The following LIG1 variants were observed in gnomAD, a reference collection of about 807,000 sequenced individuals.
LIG1 encodes the protein ligase I, DNA, ATP-dependent.
LIG1 carries 70 observed loss-of-function variants against 115.7 expected under a neutral mutation model. The observed-to-expected ratio is 0.60, with a 90% CI of 0.50 to 0.74. The LOEUF is 0.74. Among genes scored for constraint, LIG1 ranks in the 30% least tolerant of loss-of-function variants. LIG1 has a pLI of 0.00. For synonymous variants in LIG1, 487 were observed against 495.3 expected (o/e 0.98, Z 0.22); for missense variants, 1,115 against 1,225.6 (o/e 0.91, Z 1.35).
At chr19:48,119,319 A>C in intron 24 of LIG1, 129 bp from the exon 25 acceptor site, 1 of 760,800 alleles carries the variant, frequency 1.3e-6, no homozygotes, top group Admixed American at 2.0e-5. Flanking sequence ...ACAGAAAACC[A>C]GGGAAGTAGG....
chr19:48,151,451 C>A (rs2035469822), intron 6 of LIG1, 112 bp from the exon 7 acceptor site: 3 of 751,396 alleles, frequency 4.0e-6, no homozygotes, highest in Admixed American at 3.9e-5. Context: ...TTTTTTGAGA[C>A]AGAGTTTCGT....
chr19:48,161,643 T>A (rs1256643080), intron 3 of LIG1, 136 bp from the exon 4 acceptor site: 1 of 1,049,244 alleles, frequency 9.5e-7, no homozygotes, highest in Non-Finnish European at 1.4e-6. Context: ...TCTGGTTGTC[T>A]CCTCAGCAAA....
intron 1 of LIG1, 36 bp downstream of exon 1, chr19:48,170,205 T>C: frequency 2.2e-6 from 1 of 454,968 alleles, no homozygotes; most frequent in Non-Finnish European, 4.4e-6. Flanking sequence ...CCCGCCGCCC[T>C]CCGCCTCCCA....
chr19:48,139,239 G>C (rs2034582941), intron 12 of LIG1, among the ~76,000 whole-genome samples: 1 of 152,204 alleles, frequency 6.6e-6, no homozygotes, highest in Non-Finnish European at 1.5e-5. Flanking sequence ...CCCACGCTGG[G>C]GTGATTAATG....
chr19:48,130,395 G>A (rs1308726034), intron 19 of LIG1, among the ~76,000 whole-genome samples: 2 of 152,192 alleles, frequency 1.3e-5, no homozygotes, highest in South Asian at 2.1e-4. Context: ...GGGACTCCTC[G>A]AACAGGCACG....
intron 21 of LIG1, chr19:48,126,987 T>C (rs35408335): frequency 0.091 from 40,274 of 444,522 alleles, 3,202 homozygotes; most frequent in African/African-American, 0.27. Flanking sequence ...TAACAGAGGC[T>C]GGATTCTCCT....
At chr19:48,142,444 A>AAAAAAAAAAAAACAAAAC (rs2034829171) in intron 11 of LIG1, among the ~76,000 whole-genome samples, 1 of 104,782 alleles carries the variant, frequency 9.5e-6, no homozygotes, top group African/African-American at 4.9e-5. Flanking sequence ...CTCCATCTCA[A>AAAAAAAAAAAAACAAAAC]AAAAAAAAAA....
chr19:48,116,466 A>AT (rs397782918), intron 26 of LIG1, among the ~76,000 whole-genome samples: 5 of 150,330 alleles, frequency 3.3e-5, no homozygotes, highest in African/African-American at 7.4e-5. Context: ...AAAAAAAAAA[A>AT]TGCCACCTGC....
chr19:48,133,038 G>A lies in LIG1; in HGVS notation c.1669C>T (p.Arg557Cys), dbSNP rs372831646. The change falls in exon 18 of 28, where the codon CGC (arginine) becomes TGC (cysteine). Residue 557 changes from arginine (R) to cysteine (C), a missense_variant. Arg to Cys is a radical substitution (Grantham distance 180). Transcript: ENST00000263274. Reference protein sequence around the residue: ...PTRGISEVLKRFEEAAFTCEY... With the variant: ...PTRGISEVLKCFEEAAFTCEY... ...CAGGTGAAAGCTGCCTCCTCAAAGC[G>A]TTTCAGGACCTCGCTGATGCCCCGG... 1.9e-5 allele frequency: 30 copies of A among 1,614,016 alleles called. 1 individual carries two copies. Among genetic ancestry groups the A allele is most frequent in the Middle Eastern group, 1.6e-4 (1 of 6,084 alleles).
At chr19:48,120,737 C>T in intron 24 of LIG1, 1 of 340,110 alleles carries the variant, frequency 2.9e-6, no homozygotes, top group Non-Finnish European at 4.3e-6. Context: ...GCAGGCATGG[C>T]CATGAGGGCT....
At chr19:48,164,090 T>C (rs1009551480) in intron 2 of LIG1, among the ~76,000 whole-genome samples, 1 of 151,940 alleles carries the variant, frequency 6.6e-6, no homozygotes, top group Admixed American at 6.6e-5. Context: ...TAGTAATGTA[T>C]GATATTGACA....
intron 15 of LIG1, 127 bp downstream of exon 15, chr19:48,135,907 C>A: frequency 1.0e-6 from 1 of 952,746 alleles, no homozygotes; most frequent in Non-Finnish European, 1.6e-6. Flanking sequence ...TCCCCCCCAC[C>A]CAGGAGAGAG....
In LIG1 at chr19:48,134,006, G is replaced by GAGACGTTCCAGGCCGTGCTCCAGC; in HGVS notation, c.1560_1583dup (p.Leu521_Leu528dup). ...CTGGGCTCAGCTTGCAGTGCTCCGG[G>GAGACGTTCCAGGCCGTGCTCCAGC]AGACGTTCCAGGCCGTGCTCCAGCA... On this transcript the variant is annotated inframe_insertion, in exon 17 of 28. Coordinates refer to ENST00000263274, the MANE Select transcript of LIG1 (RefSeq NM_000234.3). 6.4e-7 allele frequency: 1 copy of GAGACGTTCCAGGCCGTGCTCCAGC among 1,555,874 alleles called. No individual in the cohort carries two copies. Among genetic ancestry groups the GAGACGTTCCAGGCCGTGCTCCAGC allele is most frequent in the Non-Finnish European group, 8.7e-7 (1 of 1,149,268 alleles).
chr19:48,166,183 G>A (rs2036472244), intron 1 of LIG1, among the ~76,000 whole-genome samples: 1 of 152,188 alleles, frequency 6.6e-6, no homozygotes, highest in African/African-American at 2.4e-5. Flanking sequence ...GATCACTTGA[G>A]GTCAGGAGTT....
At position 48,150,316 on chromosome 19, in the gene LIG1, T is replaced by C. The variant is rs2035390917; in HGVS notation, c.575-106A>G. On this transcript the variant is annotated intron_variant, in intron 7 of 27. Transcript: ENST00000263274. ...ATTCTGACCCTGCAGATGGAAGATATAACTACACCTACCCTTTTCCTTTCT... is the reference window on the plus strand; with the variant it reads ...ATTCTGACCCTGCAGATGGAAGATACAACTACACCTACCCTTTTCCTTTCT... 3 of 1,498,540 alleles carry C rather than the reference T, an allele frequency of 2.0e-6. No homozygotes were observed. In the African/African-American group the frequency reaches 4.1e-5, roughly 21 times the overall value. 92.8% of individuals were successfully genotyped at this position (1,498,540 alleles called of 1,614,324 possible).
chr19:48,153,968 C>T lies in LIG1; in HGVS notation c.371-1G>A. ...GTCCGTTTCGGGAGCTGCTTCCGAG[C>T]TGGGGAGGCAAAGGGCTTGGTGTAT... On this transcript the variant is annotated splice_acceptor_variant, in intron 5 of 27. Coordinates refer to ENST00000263274, the MANE Select transcript of LIG1 (RefSeq NM_000234.3). LOFTEE classifies it high-confidence loss of function. The T allele has an allele frequency of 6.2e-7, 1 of 1,613,434 alleles. No individual in the cohort carries two copies. Among genetic ancestry groups the T allele is most frequent in the East Asian group, 2.2e-5 (1 of 44,842 alleles).
At chr19:48,135,975 A>AG (rs1185383025) in intron 15 of LIG1, 59 bp downstream of exon 15, 3 of 1,307,976 alleles carry the variant, frequency 2.3e-6, no homozygotes, top group Admixed American at 4.4e-5. Context: ...TCTGAAGAGG[A>AG]GGGGGGAAGC....
chr19:48,132,381 T>TA (rs1006562685), intron 18 of LIG1, among the ~76,000 whole-genome samples: 1 of 152,056 alleles, frequency 6.6e-6, no homozygotes, highest in African/African-American at 2.4e-5. Context: ...GAACGGCTGT[T>TA]AAAATGAACA....
rs188980989 is a variant in LIG1, at chr19:48,152,205, C to T, written c.467-866G>A. The stretch of plus-strand genomic sequence containing the variant: ...TGGCACAATCTCGGCTCACTGCAAC[C>T]TCCACCTCCCAGTTTCAAGGGATTC... On this transcript the variant is annotated intron_variant, in intron 6 of 27. Coordinates refer to ENST00000263274, the MANE Select transcript of LIG1 (RefSeq NM_000234.3). Among the ~76,000 whole-genome samples, 9 of 152,304 alleles carry T rather than the reference C, an allele frequency of 5.9e-5. No homozygotes were observed. In the East Asian group the frequency reaches 7.7e-4, roughly 13 times the overall value.
Sources: allele counts gnomAD v4.1 joint callset (sites outside exome capture counted in the v4.1 genomes callset), GRCh38; gene constraint gnomAD v4.1.1; transcripts MANE v1.5; gene names NCBI Gene and HGNC (gene_info 2026-07-23, HGNC 2026-07-21).